NXPH1: variants seen among roughly 807,000 people sequenced by gnomAD.
The protein encoded by NXPH1 is neurexophilin 1.
NXPH1 carries 5 observed loss-of-function variants against 23.7 expected under a neutral mutation model. That is an observed-to-expected ratio of 0.21 (90% CI 0.11 to 0.44). NXPH1 has a LOEUF of 0.44. Among genes scored for constraint, NXPH1 ranks in the 20% least tolerant of loss-of-function variants. The probability of loss-of-function intolerance (pLI) is 0.99; values close to 1 mark genes in which losing one functional copy is unlikely to be tolerated. For synonymous variants in NXPH1, 144 were observed against 122.2 expected (o/e 1.18, Z -1.18); for missense variants, 324 against 321.6 (o/e 1.01, Z -0.06).
intron 2 of NXPH1, among the ~76,000 whole-genome samples, chr7:8,610,049 C>T (rs1819582202): frequency 1.3e-5 from 2 of 152,062 alleles, no homozygotes; most frequent in Admixed American, 6.6e-5. Flanking sequence ...AGAGTGATAG[C>T]TATGAAGAAT....
chr7:8,440,653 C>T (rs988632131), intron 2 of NXPH1, among the ~76,000 whole-genome samples: 9 of 151,916 alleles, frequency 5.9e-5, no homozygotes, highest in Non-Finnish European at 1.2e-4. Flanking sequence ...GGGTAATAAC[C>T]GTCGTCGACA....
chr7:8,746,549 C>T (rs1406695369), intron 2 of NXPH1, among the ~76,000 whole-genome samples: 2 of 152,244 alleles, frequency 1.3e-5, no homozygotes, highest in Non-Finnish European at 2.9e-5. Flanking sequence ...TATATTTAGG[C>T]AGTCACAGCA....
chr7:8,561,344 C>T (rs77466279), intron 2 of NXPH1, among the ~76,000 whole-genome samples: 13,863 of 62,866 alleles, frequency 0.22, 2,110 homozygotes, highest in African/African-American at 0.49. Flanking sequence ...ATGAGGGAAG[C>T]CTATGTGACA....
intron 2 of NXPH1, among the ~76,000 whole-genome samples, chr7:8,492,487 T>A (rs1285289256): frequency 6.6e-6 from 1 of 152,072 alleles, no homozygotes; most frequent in African/African-American, 2.4e-5. Flanking sequence ...GTAAATAAGA[T>A]ATTTATTTAT....
intron 2 of NXPH1, among the ~76,000 whole-genome samples, chr7:8,599,507 C>T (rs936221688): frequency 1.3e-5 from 2 of 152,154 alleles, no homozygotes; most frequent in South Asian, 4.1e-4. Context: ...CTGCCATGAT[C>T]TGGTAGGCAC....
intron 2 of NXPH1, among the ~76,000 whole-genome samples, chr7:8,541,490 A>G (rs1818116247): frequency 6.6e-6 from 1 of 151,650 alleles, no homozygotes; most frequent in African/African-American, 2.4e-5. Context: ...ATGAGCCCTA[A>G]TCACAAAAAA....
intron 2 of NXPH1, among the ~76,000 whole-genome samples, chr7:8,588,600 C>T (rs1819026913): frequency 6.6e-6 from 1 of 152,134 alleles, no homozygotes; most frequent in East Asian, 1.9e-4. Context: ...GAGGTACTGA[C>T]TCTTTTTCAT....
intron 2 of NXPH1, among the ~76,000 whole-genome samples, chr7:8,563,956 C>T (rs1399807520): frequency 6.6e-6 from 1 of 151,764 alleles, no homozygotes; most frequent in Non-Finnish European, 1.5e-5. Context: ...TTAGCCAATG[C>T]CAGAACTCTT....
chr7:8,523,075 A>T (rs1247863065), intron 2 of NXPH1, among the ~76,000 whole-genome samples: 1 of 152,200 alleles, frequency 6.6e-6, no homozygotes, highest in Non-Finnish European at 1.5e-5. Context: ...CTAAGAGAGG[A>T]TGTGTTTCAT....
At chr7:8,488,928 TCAA>T (rs1158520628) in intron 2 of NXPH1, among the ~76,000 whole-genome samples, 1 of 152,158 alleles carries the variant, frequency 6.6e-6, no homozygotes, top group Non-Finnish European at 1.5e-5. Context: ...CTACTGAACT[TCAA>T]CAACTCTGTT....
chr7:8,615,966 G>T (rs544367407), intron 2 of NXPH1, among the ~76,000 whole-genome samples: 8 of 151,908 alleles, frequency 5.3e-5, no homozygotes, highest in African/African-American at 1.9e-4. Flanking sequence ...TATTTTTGCC[G>T]TTATCTTCTT....
chr7:8,685,909 CAA>C (rs1359790693), intron 2 of NXPH1, among the ~76,000 whole-genome samples: 3 of 151,928 alleles, frequency 2.0e-5, no homozygotes, highest in African/African-American at 7.3e-5. Flanking sequence ...CATTTTAAAA[CAA>C]AGAGTGTAAT....
At chr7:8,446,625 A>T (rs1287906598) in intron 2 of NXPH1, among the ~76,000 whole-genome samples, 1 of 152,206 alleles carries the variant, frequency 6.6e-6, no homozygotes, top group African/African-American at 2.4e-5. Context: ...CCTGTTTTCC[A>T]CAGGCACAAT....
intron 2 of NXPH1, among the ~76,000 whole-genome samples, chr7:8,453,195 ATTTG>A (rs1816536724): frequency 6.6e-6 from 1 of 152,080 alleles, no homozygotes; most frequent in Non-Finnish European, 1.5e-5. Context: ...AAATACTTGT[ATTTG>A]TATTTATACT....
chr7:8,621,642 C>T (rs1819874898), intron 2 of NXPH1, among the ~76,000 whole-genome samples: 1 of 151,918 alleles, frequency 6.6e-6, no homozygotes, highest in East Asian at 1.9e-4. Context: ...CGTCTGGCAC[C>T]ACGCCGGCTA....
rs940914690 is a variant in NXPH1 at position 8,710,944 on chromosome 7, G to A, written c.55-40064G>A. ...CCCAAAGTGCTGGGACTACAGGCGT[G>A]AGCCACCGCGCCCGGCCGTTACGGT... On this transcript the variant is annotated intron_variant, in intron 2 of 2. Transcript: ENST00000405863. 1.3e-5 allele frequency among the ~76,000 whole-genome samples: 2 copies of A among 151,416 alleles called. 1 individual carries two copies. Among genetic ancestry groups the A allele is most frequent in the African/African-American group, 4.9e-5 (2 of 41,108 alleles).
intron 2 of NXPH1, among the ~76,000 whole-genome samples, chr7:8,615,750 G>A (rs1216922918): frequency 2.0e-5 from 3 of 151,996 alleles, no homozygotes; most frequent in Admixed American, 1.3e-4. Flanking sequence ...TTTGAAGAAG[G>A]TAACACACCA....
At chr7:8,599,139 A>G (rs373557269) in intron 2 of NXPH1, among the ~76,000 whole-genome samples, 16 of 152,268 alleles carry the variant, frequency 1.1e-4, no homozygotes, top group African/African-American at 3.8e-4. Flanking sequence ...AAGAGGAACA[A>G]ATAGAAGGCT....
intron 2 of NXPH1, among the ~76,000 whole-genome samples, chr7:8,716,181 C>T (rs908071620): frequency 6.6e-6 from 1 of 152,030 alleles, no homozygotes; most frequent in Non-Finnish European, 1.5e-5. Flanking sequence ...GGAATGTGAG[C>T]GTCAGAATAA....
Sources: allele counts gnomAD v4.1 joint callset (sites outside exome capture counted in the v4.1 genomes callset), GRCh38; gene constraint gnomAD v4.1.1; transcripts MANE v1.5; gene names NCBI Gene and HGNC (gene_info 2026-07-23, HGNC 2026-07-21).